The following SMCHD1 variants were observed in gnomAD, a reference collection of about 807,000 sequenced individuals.
SMCHD1 encodes structural maintenance of chromosomes flexible hinge domain-containing protein 1.
A neutral mutation model predicts 254.7 loss-of-function variants in SMCHD1; 78 were observed. The observed-to-expected ratio is 0.31, with a 90% CI of 0.26 to 0.37. The LOEUF is 0.37. Ranked by LOEUF, SMCHD1 falls within the 10% of genes least tolerant of loss-of-function variation. SMCHD1 has a pLI of 1.00. For synonymous variants in SMCHD1, 766 were observed against 794.9 expected (o/e 0.96, Z 0.61); for missense variants, 1,840 against 2,408.1 (o/e 0.76, Z 4.94).
intron 12 of SMCHD1, 148 bp from the exon 13 acceptor site, chr18:2,703,544 A>G: frequency 3.2e-6 from 2 of 627,164 alleles, no homozygotes; most frequent in Non-Finnish European, 5.4e-6. Flanking sequence ...ATGTGTACAG[A>G]GGAAGGATCC....
intron 36 of SMCHD1, among the ~76,000 whole-genome samples, chr18:2,763,110 T>G (rs1317090879): frequency 6.6e-6 from 1 of 152,246 alleles, no homozygotes; most frequent in Non-Finnish European, 1.5e-5. Flanking sequence ...TTTATTTTCC[T>G]GTTTTAGATG....
At chr18:2,678,204 CTTTCT>C (rs1387175342) in intron 5 of SMCHD1, among the ~76,000 whole-genome samples, 2 of 51,682 alleles carry the variant, frequency 3.9e-5, no homozygotes, top group Non-Finnish European at 1.3e-4. Flanking sequence ...ACTGTCTTTT[CTTTCT>C]TTTCTTTCTT....
At chr18:2,740,085 G>GCCCCGACT (rs906771681) in intron 27 of SMCHD1, among the ~76,000 whole-genome samples, 2 of 151,982 alleles carry the variant, frequency 1.3e-5, no homozygotes, top group South Asian at 4.1e-4. Flanking sequence ...CCCTCCCCTA[G>GCCCCGACT]CCCCGACTCC....
intron 34 of SMCHD1, among the ~76,000 whole-genome samples, chr18:2,758,366 A>G (rs1035394217): frequency 6.6e-6 from 1 of 151,754 alleles, no homozygotes; most frequent in African/African-American, 2.4e-5. Context: ...AACAATTTGT[A>G]TTTTTTTACC....
At chr18:2,737,925 C>T (rs933310892) in intron 25 of SMCHD1, among the ~76,000 whole-genome samples, 3 of 152,020 alleles carry the variant, frequency 2.0e-5, no homozygotes, top group African/African-American at 7.2e-5. Context: ...CTAAAAACAC[C>T]TAAGAAGAGA....
intron 14 of SMCHD1, 88 bp from the exon 15 acceptor site, chr18:2,706,276 T>C (rs912594649): frequency 2.4e-6 from 2 of 831,338 alleles, no homozygotes; most frequent in Non-Finnish European, 3.7e-6. Flanking sequence ...AAAATATATT[T>C]CTTTGGAAGA....
intron 7 of SMCHD1, among the ~76,000 whole-genome samples, chr18:2,693,251 A>G (rs1328509421): frequency 6.6e-6 from 1 of 152,232 alleles, no homozygotes; most frequent in African/African-American, 2.4e-5. Flanking sequence ...ATAGCAACAT[A>G]CACAGTAGAT....
chr18:2,739,512 G>A lies in SMCHD1; in HGVS notation c.3506G>A (p.Gly1169Glu). The change falls in exon 27 of 48, where the codon GGA becomes GAA. Residue 1169 changes from glycine to glutamate, a missense_variant. Physicochemically the swap from Gly to Glu is moderately conservative, Grantham distance 98. Transcript: ENST00000320876. The part of the protein sequence containing the change: ...KTVQMGQELQ[G>E]EVVIIITDQY... ...GTACAGATGGGCCAAGAGCTTCAAG[G>A]AGAAGTAGGTTAGTATGGCTTGCTT... 6.2e-7 allele frequency: 1 copy of A among 1,612,612 alleles called. No homozygotes were observed.
At chr18:2,777,439 G>T (rs1008048942) in intron 42 of SMCHD1, among the ~76,000 whole-genome samples, 3 of 152,166 alleles carry the variant, frequency 2.0e-5, no homozygotes, top group African/African-American at 7.2e-5. Flanking sequence ...TCAGTCTTGG[G>T]CCTTGCCCCT....
intron 45 of SMCHD1, among the ~76,000 whole-genome samples, chr18:2,786,585 A>G (rs2076243879): frequency 6.6e-6 from 1 of 151,988 alleles, no homozygotes; most frequent in South Asian, 2.1e-4. Flanking sequence ...CCAGCTACTC[A>G]CGAAGCTCAG....
At chr18:2,753,925 A>C (rs1289868931) in intron 34 of SMCHD1, among the ~76,000 whole-genome samples, 2 of 152,126 alleles carry the variant, frequency 1.3e-5, no homozygotes, top group African/African-American at 2.4e-5. Flanking sequence ...GAGTGGCATC[A>C]CACTTACTCT....
intron 5 of SMCHD1, among the ~76,000 whole-genome samples, chr18:2,677,424 T>G (rs2073778110): frequency 6.6e-6 from 1 of 152,206 alleles, no homozygotes; most frequent in Admixed American, 6.5e-5. Context: ...TAAATGTATC[T>G]TCATTGAATT....
intron 45 of SMCHD1, among the ~76,000 whole-genome samples, chr18:2,786,508 A>G (rs2076242587): frequency 6.6e-6 from 1 of 152,018 alleles, no homozygotes; most frequent in Non-Finnish European, 1.5e-5. Context: ...CCCGGCCAAC[A>G]TGGTAAAACC....
At chr18:2,775,649 G>A (rs1162895644) in intron 41 of SMCHD1, 85 bp from the exon 42 acceptor site, 2 of 1,004,052 alleles carry the variant, frequency 2.0e-6, no homozygotes, top group Non-Finnish European at 2.7e-6. Context: ...AGAAGTTTTT[G>A]TTACCTAGGC....
intron 17 of SMCHD1, among the ~76,000 whole-genome samples, chr18:2,714,886 A>G (rs2074762724): frequency 6.6e-6 from 1 of 152,092 alleles, no homozygotes; most frequent in African/African-American, 2.4e-5. Flanking sequence ...ACAGAATCCT[A>G]CAGAGGGAGC....
intron 10 of SMCHD1, among the ~76,000 whole-genome samples, chr18:2,698,851 TTA>T (rs201774327): frequency 0.13 from 7,023 of 53,650 alleles, 230 homozygotes; most frequent in Non-Finnish European, 0.33. Context: ...AAGTACTATT[TTA>T]TTTTTTTTTA....
rs2074515994 is a variant in SMCHD1, at chr18:2,706,433, A to G, written c.2026A>G (p.Lys676Glu). Residue 676 changes from lysine (K) to glutamate (E), a missense_variant, in exon 15 of 48, where the codon AAA (lysine) becomes GAA (glutamate). This residue lies in a region of SMCHD1 where 498 missense variants were observed against 743.5 expected (regional missense o/e 0.67). Transcript: ENST00000320876. ...AAAGCTGGATAGGACAGTTGCTGAG[A>G]AAGCTGTTAAAAAATATGTAGAAGA... ...IAKLDRTVAE[K>E]AVKKYVEDEM... 1 of 1,590,876 alleles carries G rather than the reference A, an allele frequency of 6.3e-7. No individual in the cohort carries two copies. The highest frequency in any genetic ancestry group is 1.8e-5 in the Admixed American group (1 of 56,588).
chr18:2,716,020 G>C (rs1397760011), intron 17 of SMCHD1, among the ~76,000 whole-genome samples: 1 of 152,102 alleles, frequency 6.6e-6, no homozygotes, highest in Non-Finnish European at 1.5e-5. Flanking sequence ...CGTAGTAGTA[G>C]TTGCTTATTT....
chr18:2,693,534 C>A (rs1167536966), intron 7 of SMCHD1, among the ~76,000 whole-genome samples: 3 of 152,204 alleles, frequency 2.0e-5, no homozygotes, highest in Non-Finnish European at 4.4e-5. Context: ...CTTATGGGAC[C>A]ACTGCAGTCA....
Sources: allele counts gnomAD v4.1 joint callset (sites outside exome capture counted in the v4.1 genomes callset), GRCh38; gene constraint gnomAD v4.1.1; regional missense constraint gnomAD v4.1.1; transcripts MANE v1.5; gene names NCBI Gene and HGNC (gene_info 2026-07-23, HGNC 2026-07-21).